The following ATR variants were observed in gnomAD, a reference collection of about 807,000 sequenced individuals.
ATR encodes ATR checkpoint kinase.
A neutral mutation model predicts 305.3 loss-of-function variants in ATR; 142 were observed. That is an observed-to-expected ratio of 0.47 (90% confidence interval 0.41 to 0.53). The LOEUF is 0.53. Ranked by LOEUF, ATR falls within the 20% of genes least tolerant of loss-of-function variation. The pLI, the probability that ATR is intolerant of heterozygous loss-of-function variation, is 0.00. For missense variants in ATR, 2,135 were observed against 3,133.1 expected, an observed-to-expected ratio of 0.68 and a Z score of 7.60; for synonymous variants, 1,050 against 1,068.1, an observed-to-expected ratio of 0.98 and a Z score of 0.33.
chr3:142,516,896 T>G (rs2032886232), intron 24 of ATR, among the ~76,000 whole-genome samples: 3 of 151,678 alleles, frequency 2.0e-5, no homozygotes, highest in Non-Finnish European at 2.9e-5. Flanking sequence ...TGTGTAGGAT[T>G]TTTTTGAATG....
chr3:142,509,903 C>T (rs771038464), intron 27 of ATR, among the ~76,000 whole-genome samples: 5 of 151,980 alleles, frequency 3.3e-5, no homozygotes, highest in South Asian at 4.1e-4. Flanking sequence ...ATCGCCTGAG[C>T]GCAGGAGTTT....
intron 1 of ATR, among the ~76,000 whole-genome samples, chr3:142,573,639 T>C (rs1216814589): frequency 2.6e-5 from 4 of 152,154 alleles, no homozygotes; most frequent in Non-Finnish European, 5.9e-5. Flanking sequence ...TGTTATTTTC[T>C]GGTAGCCACA....
At chr3:142,460,039 T>C (rs2070990235) in intron 42 of ATR, among the ~76,000 whole-genome samples, 1 of 152,058 alleles carries the variant, frequency 6.6e-6, no homozygotes, top group Non-Finnish European at 1.5e-5. Flanking sequence ...CTCAGACATA[T>C]ACAATATGTC....
intron 12 of ATR, 57 bp from the exon 13 acceptor site, chr3:142,553,455 C>CAT (rs2034552386): frequency 1.3e-6 from 2 of 1,494,190 alleles, no homozygotes; most frequent in Non-Finnish European, 1.9e-6. Context: ...CACACACACA[C>CAT]ACATACACAC....
At chr3:142,544,452 CAAAAAAA>C (rs57120276) in intron 16 of ATR, among the ~76,000 whole-genome samples, 709 of 18,948 alleles carry the variant, frequency 0.037, 7 homozygotes, top group African/African-American at 0.1. Context: ...ATCCTGCCTC[CAAAAAAA>C]AAAAAAAAAA....
At position 142,534,933 on chromosome 3, in the gene ATR, C is replaced by T. The variant is rs569959044; in HGVS notation, c.3945+147G>A. On this transcript the variant is annotated intron_variant, in intron 21 of 46. Transcript: ENST00000350721. ...AGCTCAAAGGGCATCTCATGGATTC[C>T]TAATTCTCAGTCAGATCTGATAATT... The T allele has an allele frequency of 7.5e-4, 681 of 907,990 alleles. 1 individual carries two copies. The highest frequency in any genetic ancestry group is 1.0e-3 in the Non-Finnish European group (643 of 622,760). 56.2% of individuals were successfully genotyped at this position (907,990 alleles called of 1,614,324 possible). A position where few individuals can be genotyped will look rare whatever the true frequency, so the allele number is the denominator to read the frequency against.
rs11318957 is a variant in ATR at position 142,572,372 on chromosome 3, CTTTTT to C, written c.60-4223_60-4219del. ...GCGTGAGCCACCACGCCCGGCCTGACTTTTTTTTTTTTTTTTTTTTTTTTTTTGAT... is the reference window on the plus strand; with the variant it reads ...GCGTGAGCCACCACGCCCGGCCTGACTTTTTTTTTTTTTTTTTTTTTTGAT... On this transcript the variant is annotated intron_variant, in intron 1 of 46. Coordinates refer to ENST00000350721, the MANE Select transcript of ATR (RefSeq NM_001184.4). Among the ~76,000 whole-genome samples the C allele has an allele frequency of 1.7e-3, 98 of 56,818 alleles. 1 individual carries two copies. The highest frequency in any genetic ancestry group is 4.9e-3 in the African/African-American group (74 of 15,044). 37.3% of individuals were successfully genotyped at this position (56,818 alleles called of 152,430 possible).
intron 10 of ATR, 142 bp downstream of exon 10, chr3:142,555,735 A>G (rs1465276976): frequency 4.7e-6 from 5 of 1,061,678 alleles, no homozygotes; most frequent in Non-Finnish European, 6.6e-6. Flanking sequence ...TATCCCATTT[A>G]TAACTAATCA....
intron 27 of ATR, among the ~76,000 whole-genome samples, chr3:142,512,001 C>T (rs1173459318): frequency 6.6e-6 from 1 of 151,676 alleles, no homozygotes; most frequent in Non-Finnish European, 1.5e-5. Context: ...ACCTGTAATC[C>T]CAACTACTTG....
At chr3:142,520,823 T>C (rs1219092785) in intron 23 of ATR, among the ~76,000 whole-genome samples, 1 of 152,146 alleles carries the variant, frequency 6.6e-6, no homozygotes, top group Non-Finnish European at 1.5e-5. Context: ...AAGAAGCAAC[T>C]ATTGATAGAG....
At position 142,497,162 on chromosome 3, in the gene ATR, G is replaced by GCTA; in HGVS notation, c.5586_5588dup (p.Ser1863dup). 1 of 1,614,026 alleles carries GCTA rather than the reference G, an allele frequency of 6.2e-7. No individual in the cohort carries two copies. Among genetic ancestry groups the GCTA allele is most frequent in the Non-Finnish European group, 8.5e-7 (1 of 1,179,986 alleles). On this transcript the variant is annotated inframe_insertion, in exon 33 of 47. Transcript: ENST00000350721. ...GAGAATGCTGGAAAAGTGGTTTGATGCTATGCTCCAACTCACATAACATGT... is the reference window on the plus strand; with the variant it reads ...GAGAATGCTGGAAAAGTGGTTTGATGCTACTATGCTCCAACTCACATAACATGT...
Position 142,496,419 on chromosome 3 carries a change from G to C in ATR, c.5840C>G (p.Ala1947Gly), listed in dbSNP as rs1390864731. Residue 1947 changes from alanine to glycine, a missense_variant, in exon 34 of 47, where the codon GCA (alanine) becomes GGA (glycine). By Grantham distance (60) the Ala-to-Gly change is moderately conservative (BLOSUM62 0). This residue lies in a region of ATR where 462 missense variants were observed against 887.6 expected (regional missense o/e 0.52). Transcript: ENST00000350721. Reference protein sequence around the residue: ...HQTAYNALLNAGESRLAELYV... With the variant: ...HQTAYNALLNGGESRLAELYV... The stretch of plus-strand genomic sequence containing the variant: ...CAGTTCAGCGAGTCGTGATTCCCCT[G>C]CATTAAGGAGAGCATTGTAGGCTGT... 6.2e-7 allele frequency: 1 copy of C among 1,607,684 alleles called. No individual in the cohort carries two copies. The highest frequency in any genetic ancestry group is 1.4e-5 in the African/African-American group (1 of 73,488).
Position 142,578,645 on chromosome 3 carries a change from C to T in ATR, c.59+1G>A. The T allele has an allele frequency of 6.2e-7, 1 of 1,612,340 alleles. No homozygotes were observed. ...AGGACCCAGGCTGGGCCTAGCCCTA[C>T]CTGCCCAGCTCCCGCAGGGCGGGGA... is the stretch of plus-strand genomic sequence containing the variant. On this transcript the variant is annotated splice_donor_variant, in intron 1 of 46. Coordinates refer to ENST00000350721, the MANE Select transcript of ATR (RefSeq NM_001184.4). LOFTEE classifies it high-confidence loss of function.
chr3:142,459,549 G>A (rs2070980590), intron 42 of ATR, among the ~76,000 whole-genome samples, 166 bp from the exon 43 acceptor site: 1 of 152,132 alleles, frequency 6.6e-6, no homozygotes, highest in Admixed American at 6.5e-5. Flanking sequence ...GTTACTGATT[G>A]TATAATAAAA....
At chr3:142,549,769 CAT>C in intron 14 of ATR, 96 bp from the exon 15 acceptor site, 1 of 1,152,102 alleles carries the variant, frequency 8.7e-7, no homozygotes. Flanking sequence ...AAATGCCACA[CAT>C]ATTTGGAGTC....
chr3:142,556,347 A>G (rs374917153), intron 9 of ATR, 36 bp downstream of exon 9: 3 of 1,579,846 alleles, frequency 1.9e-6, no homozygotes, highest in Non-Finnish European at 2.6e-6. Context: ...TCTTTCCAAT[A>G]GAGTGATATA....
chr3:142,505,040 T>C, intron 29 of ATR, 99 bp downstream of exon 29: 1 of 1,436,332 alleles, frequency 7.0e-7, no homozygotes, highest in Non-Finnish European at 9.6e-7. Flanking sequence ...CGAGACTCTG[T>C]CTCAAAAACA....
chr3:142,518,486 C>T (rs1316804316), intron 24 of ATR, among the ~76,000 whole-genome samples: 1 of 152,160 alleles, frequency 6.6e-6, no homozygotes, highest in African/African-American at 2.4e-5. Context: ...CACTGCACTC[C>T]AGCCTGGGCA....
Position 142,553,251 on chromosome 3 carries a change from G to A in ATR, c.2781C>T (p.Ser927=), listed in dbSNP as rs2108462070. 1 of 1,614,036 alleles carries A rather than the reference G, an allele frequency of 6.2e-7. No individual in the cohort carries two copies. The highest frequency in any genetic ancestry group is 8.5e-7 in the Non-Finnish European group (1 of 1,179,988). ...CCTGACAGATGGGTTTCTTATACTG[G>A]CTGAAAAAACTTTGCAGTTTAACAC... ...AKSVKLQSFF[S]QYKKPICQFL... The change falls in exon 13 of 47, where the codon AGC becomes AGT. Residue 927 remains serine (S), a synonymous_variant. Coordinates refer to ENST00000350721, the MANE Select transcript of ATR (RefSeq NM_001184.4).
Sources: allele counts gnomAD v4.1 joint callset (sites outside exome capture counted in the v4.1 genomes callset), GRCh38; gene constraint gnomAD v4.1.1; regional missense constraint gnomAD v4.1.1; transcripts MANE v1.5; gene names NCBI Gene and HGNC (gene_info 2026-07-23, HGNC 2026-07-21).